Variants in LRRC1 observed in about 807,000 individuals in gnomAD.
LRRC1 encodes the protein leucine rich repeat containing 1.
LRRC1 carries 28 observed loss-of-function variants against 69.9 expected under a neutral mutation model. The ratio of observed to expected loss-of-function variants is 0.40; its 90% CI spans 0.30 to 0.55. The LOEUF (loss-of-function observed/expected upper bound fraction) is 0.55, where lower values mean the gene tolerates loss of function less well. LRRC1 is among the 20% of genes least tolerant of loss of function. LRRC1 has a pLI of 0.47. For missense variants in LRRC1, 498 were observed against 609.0 expected, an observed-to-expected ratio of 0.82 and a Z score of 1.92; for synonymous variants, 236 against 240.2, an observed-to-expected ratio of 0.98 and a Z score of 0.16.
chr6:53,802,713 T>C (rs1764520572), intron 1 of LRRC1, among the ~76,000 whole-genome samples: 2 of 152,330 alleles, frequency 1.3e-5, no homozygotes, highest in South Asian at 4.1e-4. Context: ...GTTTTCTGAG[T>C]AATATGAATG....
At chr6:53,824,481 G>A (rs3003491) in intron 1 of LRRC1, among the ~76,000 whole-genome samples, 125,858 of 152,082 alleles carry the variant, frequency 0.83, 52,258 homozygotes, top group East Asian at 0.92. Context: ...TGCAGAAGCT[G>A]TTTGGTTTAA....
chr6:53,914,465 G>A (rs1768506234), intron 11 of LRRC1, among the ~76,000 whole-genome samples: 1 of 152,146 alleles, frequency 6.6e-6, no homozygotes, highest in South Asian at 2.1e-4. Context: ...AGTGTTTACA[G>A]CTAATGTCAG....
At chr6:53,824,288 G>A (rs567096047) in intron 1 of LRRC1, among the ~76,000 whole-genome samples, 43 of 151,854 alleles carry the variant, frequency 2.8e-4, no homozygotes, top group African/African-American at 9.2e-4. Flanking sequence ...CTGCATTTAT[G>A]TCTTCTTTTG....
intron 2 of LRRC1, among the ~76,000 whole-genome samples, chr6:53,844,680 G>T (rs1421533195): frequency 6.6e-6 from 1 of 152,106 alleles, no homozygotes; most frequent in Non-Finnish European, 1.5e-5. Flanking sequence ...ATTTTTCCCC[G>T]CTCACTTTCA....
chr6:53,911,689 G>A (rs1031218799), intron 10 of LRRC1, among the ~76,000 whole-genome samples: 5 of 152,192 alleles, frequency 3.3e-5, no homozygotes, highest in South Asian at 2.1e-4. Context: ...GCCTGACACC[G>A]AAGCTCCTCC....
rs1562039587 is a variant in LRRC1, at chr6:53,842,244, T to G, written c.277+17T>G. The G allele has an allele frequency of 6.4e-7, 1 of 1,568,842 alleles. No homozygotes were observed. On this transcript the variant is annotated intron_variant, in intron 2 of 13. Coordinates refer to ENST00000370888, the MANE Select transcript of LRRC1 (RefSeq NM_018214.5). ...CTCGAAATGGTAAGAAAGATTCCAC[T>G]TGGGTTGCCTATTTGTCTCTTCAGA...
At chr6:53,915,806 G>A (rs1037080776) in intron 11 of LRRC1, among the ~76,000 whole-genome samples, 1 of 152,150 alleles carries the variant, frequency 6.6e-6, no homozygotes, top group East Asian at 1.9e-4. Context: ...ATAACCAAAT[G>A]TTAAGCCTAT....
chr6:53,824,417 A>G (rs1234739629), intron 1 of LRRC1, among the ~76,000 whole-genome samples: 3 of 151,532 alleles, frequency 2.0e-5, no homozygotes, highest in African/African-American at 7.3e-5. Flanking sequence ...GATTGCAACA[A>G]TTTTCTTCAT....
At chr6:53,852,703 A>C (rs1393310328) in intron 2 of LRRC1, among the ~76,000 whole-genome samples, 1 of 152,130 alleles carries the variant, frequency 6.6e-6, no homozygotes, top group Non-Finnish European at 1.5e-5. Flanking sequence ...TTATTTTGAG[A>C]GGAAGGATGG....
At position 53,918,214 on chromosome 6, in the gene LRRC1, C is replaced by T. The variant is rs537737762; in HGVS notation, c.1107-1284C>T. Among the ~76,000 whole-genome samples, 3 of 152,296 alleles carry T rather than the reference C, an allele frequency of 2.0e-5. No individual in the cohort carries two copies. The South Asian group carries it at 6.2e-4, about 32-fold the overall frequency. ...AGGGTACTTTAACATAAGCAGTTCT[C>T]GTGGATGCACTGGCTTAAGAACCTC... On this transcript the variant is annotated intron_variant, in intron 11 of 13. Transcript: ENST00000370888.
At chr6:53,826,197 C>CT (rs58959665) in intron 1 of LRRC1, among the ~76,000 whole-genome samples, 2,169 of 138,342 alleles carry the variant, frequency 0.016, 61 homozygotes, top group African/African-American at 0.055. Flanking sequence ...ACATATCTGC[C>CT]TTTTTTTTTT....
intron 11 of LRRC1, 35 bp downstream of exon 11, chr6:53,914,004 A>G (rs1768492492): frequency 1.4e-6 from 2 of 1,406,728 alleles, no homozygotes; most frequent in Non-Finnish European, 2.0e-6. Flanking sequence ...CTTGAGGGAA[A>G]CAAATATACA....
At chr6:53,868,476 T>G (rs1766780335) in intron 2 of LRRC1, among the ~76,000 whole-genome samples, 1 of 152,176 alleles carries the variant, frequency 6.6e-6, no homozygotes, top group Admixed American at 6.5e-5. Flanking sequence ...TCTGCCTGCC[T>G]TGGCATCCCA....
At chr6:53,829,223 G>C (rs932627322) in intron 1 of LRRC1, among the ~76,000 whole-genome samples, 10 of 152,138 alleles carry the variant, frequency 6.6e-5, no homozygotes, top group African/African-American at 2.2e-4. Context: ...TCTGGACCCA[G>C]GCAGGTAATC....
In LRRC1 at chr6:53,882,960, C is replaced by T; in HGVS notation, c.430C>T (p.Pro144Ser). 3 of 1,609,062 alleles carry T rather than the reference C, an allele frequency of 1.9e-6. No individual in the cohort carries two copies. Among genetic ancestry groups the T allele is most frequent in the Non-Finnish European group, 2.5e-6 (3 of 1,177,654 alleles). ...SVNDISLQSL[P>S]ENIGNLYNLA... ...AAATGACATCTCACTACAGTCTCTACCTGAAAATATTGGCAAGTAAGTTTT... is the reference window on the plus strand; with the variant it reads ...AAATGACATCTCACTACAGTCTCTATCTGAAAATATTGGCAAGTAAGTTTT... The change falls in exon 4 of 14, where the codon CCT becomes TCT. Residue 144 changes from proline to serine, a missense_variant. This residue lies in a region of LRRC1 where 266 missense variants were observed against 383.9 expected (regional missense o/e 0.69). Coordinates refer to ENST00000370888, the MANE Select transcript of LRRC1 (RefSeq NM_018214.5).
In LRRC1 at chr6:53,922,827, C is replaced by T. The variant is rs780796921; in HGVS notation, c.*34C>T. 7 of 1,600,568 alleles carry T rather than the reference C, an allele frequency of 4.4e-6. No homozygotes were observed. The highest frequency in any genetic ancestry group is 2.2e-5 in the South Asian group (2 of 89,334). On this transcript the variant is annotated 3_prime_UTR_variant, in exon 14 of 14. Coordinates refer to ENST00000370888, the MANE Select transcript of LRRC1 (RefSeq NM_018214.5). ...CTCCAAGTTTTACCTCCTGTGTCTT[C>T]CTCTGCTGTCGAGACGTTCCTGTCT...
intron 6 of LRRC1, 119 bp downstream of exon 6, chr6:53,897,011 C>T (rs2127435719): frequency 1.4e-6 from 1 of 693,384 alleles, no homozygotes; most frequent in Non-Finnish European, 2.5e-6. Flanking sequence ...AACTTGGGGA[C>T]ACTAGAGAAC....
intron 4 of LRRC1, among the ~76,000 whole-genome samples, chr6:53,894,586 TCA>T (rs1767806948): frequency 6.6e-6 from 1 of 152,212 alleles, no homozygotes; most frequent in Non-Finnish European, 1.5e-5. Context: ...ATCCTAACAT[TCA>T]TTTTAAAAAT....
intron 1 of LRRC1, among the ~76,000 whole-genome samples, chr6:53,803,683 A>G (rs1200181035): frequency 6.6e-6 from 1 of 152,134 alleles, no homozygotes; most frequent in Non-Finnish European, 1.5e-5. Flanking sequence ...GATCTAGACT[A>G]TAATGTTTAG....
Sources: gnomAD v4.1 joint callset for allele counts (sites outside exome capture counted in the v4.1 genomes callset) on GRCh38, gnomAD v4.1.1 for gene constraint, gnomAD v4.1.1 regional missense constraint, MANE v1.5 for transcripts, NCBI Gene and HGNC (gene_info 2026-07-23, HGNC 2026-07-21) for gene names.